SLC8A3: variants seen among roughly 807,000 people sequenced by gnomAD.
SLC8A3 encodes solute carrier family 8 member A3.
SLC8A3 carries 37 observed loss-of-function variants against 65.4 expected under a neutral mutation model. The ratio of observed to expected loss-of-function variants is 0.57; its 90% CI spans 0.44 to 0.74. SLC8A3 has a LOEUF of 0.74. Ranked by LOEUF, SLC8A3 falls within the 30% of genes least tolerant of loss-of-function variation. The pLI, the probability that SLC8A3 is intolerant of heterozygous loss-of-function variation, is 0.00. For missense variants in SLC8A3, 1,112 were observed against 1,172.1 expected, an observed-to-expected ratio of 0.95 and a Z score of 0.75; for synonymous variants, 461 against 444.5, an observed-to-expected ratio of 1.04 and a Z score of -0.47.
At chr14:70,177,641 C>T (rs879191) in intron 1 of SLC8A3, among the ~76,000 whole-genome samples, 67,096 of 151,976 alleles carry the variant, frequency 0.44, 15,329 homozygotes, top group East Asian at 0.6. Flanking sequence ...GAACAAGCAG[C>T]GTCTGTTTCC....
At chr14:70,063,635 G>A (rs1226292801) in intron 2 of SLC8A3, among the ~76,000 whole-genome samples, 1 of 152,158 alleles carries the variant, frequency 6.6e-6, no homozygotes, top group African/African-American at 2.4e-5. Context: ...GACAGAGCTG[G>A]GGGCAGAGAG....
intron 2 of SLC8A3, among the ~76,000 whole-genome samples, chr14:70,164,519 T>C (rs1341459951): frequency 6.6e-6 from 1 of 152,200 alleles, no homozygotes; most frequent in Non-Finnish European, 1.5e-5. Context: ...CCAGAAGTGA[T>C]CATTTGCGAG....
At chr14:70,092,979 T>C (rs1345800531) in intron 2 of SLC8A3, among the ~76,000 whole-genome samples, 2 of 152,222 alleles carry the variant, frequency 1.3e-5, no homozygotes, top group Admixed American at 6.5e-5. Context: ...TGGCATTTAA[T>C]ATGGGCTTCA....
chr14:70,070,990 G>T (rs1473218619), intron 2 of SLC8A3, among the ~76,000 whole-genome samples: 1 of 152,138 alleles, frequency 6.6e-6, no homozygotes, highest in Admixed American at 6.5e-5. Context: ...AGTCTGCTCT[G>T]GTATACCACT....
chr14:70,111,313 C>T (rs1893287046), intron 2 of SLC8A3, among the ~76,000 whole-genome samples: 1 of 152,176 alleles, frequency 6.6e-6, no homozygotes, highest in African/African-American at 2.4e-5. Context: ...TGACAGTCCA[C>T]AAATACTGCA....
At chr14:70,051,580 C>T (rs907001020) in intron 4 of SLC8A3, among the ~76,000 whole-genome samples, 10 of 152,138 alleles carry the variant, frequency 6.6e-5, no homozygotes, top group South Asian at 4.1e-4. Flanking sequence ...AGATTACAGG[C>T]GTGAGTCCCT....
Position 70,148,046 on chromosome 14 carries a change from G to A in SLC8A3, c.1784+18593C>T, listed in dbSNP as rs566365908. Among the ~76,000 whole-genome samples, 5 of 152,278 alleles carry A rather than the reference G, an allele frequency of 3.3e-5. No homozygotes were observed. The South Asian group carries it at 8.3e-4, about 25-fold the overall frequency. ...ATGGTGCAAAAGTGATATGCATTCA[G>A]TAGAAACTATACTTTGAGTATCCAG... On this transcript the variant is annotated intron_variant, in intron 2 of 6. Coordinates refer to ENST00000356921, the MANE Select transcript of SLC8A3 (RefSeq NM_182932.3).
Position 70,167,640 on chromosome 14 carries a change from C to T in SLC8A3, c.783G>A (p.Met261Ile). 1 of 1,614,114 alleles carries T rather than the reference C, an allele frequency of 6.2e-7. No homozygotes were observed. The highest frequency in any genetic ancestry group is 8.5e-7 in the Non-Finnish European group (1 of 1,180,008). The stretch of plus-strand genomic sequence containing the variant: ...GTTTGTCTGTGCGGTACTTTTTGTG[C>T]ATGTATTTGTAGAAGAGCAGTCGTT... Reference protein sequence around the residue: ...ADKRLLFYKYMHKKYRTDKHR... With the variant: ...ADKRLLFYKYIHKKYRTDKHR... Residue 261 changes from methionine (M) to isoleucine (I), a missense_variant, in exon 2 of 7, where the codon ATG becomes ATA. Transcript: ENST00000356921.
At chr14:70,055,288 T>C (rs535415546) in intron 3 of SLC8A3, among the ~76,000 whole-genome samples, 3 of 152,336 alleles carry the variant, frequency 2.0e-5, no homozygotes, top group South Asian at 2.1e-4. Flanking sequence ...TGTGATGAGA[T>C]GGAAGATCTC....
At chr14:70,121,822 AT>A (rs34718038) in intron 2 of SLC8A3, among the ~76,000 whole-genome samples, 2 of 150,290 alleles carry the variant, frequency 1.3e-5, no homozygotes, top group African/African-American at 2.5e-5. Context: ...AAAATTTTAC[AT>A]TTTTTTTTCA....
chr14:70,062,505 T>C (rs1888921113), intron 2 of SLC8A3, among the ~76,000 whole-genome samples: 1 of 152,246 alleles, frequency 6.6e-6, no homozygotes, highest in South Asian at 2.1e-4. Context: ...GCACATGCTG[T>C]ACAGGTTTGT....
intron 2 of SLC8A3, among the ~76,000 whole-genome samples, chr14:70,091,694 G>A (rs763232547): frequency 3.3e-5 from 5 of 152,022 alleles, no homozygotes; most frequent in Non-Finnish European, 7.4e-5. Context: ...TTAACTTGAG[G>A]CAACATAATC....
At chr14:70,160,703 C>A (rs1274622204) in intron 2 of SLC8A3, among the ~76,000 whole-genome samples, 2 of 152,012 alleles carry the variant, frequency 1.3e-5, no homozygotes, top group Admixed American at 6.5e-5. Context: ...TCAGGGGATA[C>A]CGCATGCCTA....
At chr14:70,075,288 C>G (rs1890392471) in intron 2 of SLC8A3, among the ~76,000 whole-genome samples, 1 of 152,194 alleles carries the variant, frequency 6.6e-6, no homozygotes, top group Non-Finnish European at 1.5e-5. Flanking sequence ...TCCTTCACTC[C>G]TCACTGGCCC....
chr14:70,073,028 C>T (rs1165314039), intron 2 of SLC8A3, among the ~76,000 whole-genome samples: 4 of 152,110 alleles, frequency 2.6e-5, no homozygotes, highest in Non-Finnish European at 5.9e-5. Context: ...TGTCATTCCT[C>T]TGCTCACCCT....
intron 2 of SLC8A3, among the ~76,000 whole-genome samples, chr14:70,101,244 AGGG>A (rs2140106911): frequency 1.3e-5 from 2 of 152,348 alleles, no homozygotes; most frequent in East Asian, 3.9e-4. Flanking sequence ...GGAAAAATAT[AGGG>A]TAAAACAAGA....
chr14:70,091,753 A>G (rs1891819279), intron 2 of SLC8A3, among the ~76,000 whole-genome samples: 1 of 152,168 alleles, frequency 6.6e-6, no homozygotes, highest in African/African-American at 2.4e-5. Context: ...TGATTTTTCG[A>G]AGTCATGTTT....
chr14:70,120,743 G>T (rs1259910044), intron 2 of SLC8A3, among the ~76,000 whole-genome samples: 1 of 152,166 alleles, frequency 6.6e-6, no homozygotes, highest in African/African-American at 2.4e-5. Context: ...AGGGACTAAA[G>T]AATCTTAAAG....
At chr14:70,155,417 C>T (rs779269971) in intron 2 of SLC8A3, among the ~76,000 whole-genome samples, 8 of 152,182 alleles carry the variant, frequency 5.3e-5, no homozygotes, top group Non-Finnish European at 8.8e-5. Context: ...TACAATTCTA[C>T]TCTCTACCTT....
Sources: allele counts gnomAD v4.1 joint callset (sites outside exome capture counted in the v4.1 genomes callset), GRCh38; gene constraint gnomAD v4.1.1; transcripts MANE v1.5; gene names NCBI Gene and HGNC (gene_info 2026-07-23, HGNC 2026-07-21).